Variants in C22orf42 observed in about 807,000 individuals in gnomAD.
C22orf42 encodes uncharacterized protein C22orf42.
C22orf42 carries 24 observed loss-of-function variants against 31.4 expected under a neutral mutation model. That is an observed-to-expected ratio of 0.77 (90% CI 0.55 to 1.08). C22orf42 has a LOEUF of 1.08. Among genes scored for constraint, C22orf42 ranks in the 50% least tolerant of loss-of-function variants. The pLI is 0.00. For missense variants in C22orf42, 276 were observed against 327.3 expected, an observed-to-expected ratio of 0.84 and a Z score of 1.21; for synonymous variants, 96 against 112.7, an observed-to-expected ratio of 0.85 and a Z score of 0.94.
chr22:32,151,874 TTGGGAAAGACAGAGGAG>T (rs11272724), intron 4 of C22orf42, among the ~76,000 whole-genome samples, 176 bp downstream of exon 4: 51,764 of 151,468 alleles, frequency 0.34, 9,229 homozygotes, highest in African/African-American at 0.44. Flanking sequence ...GGTGTGGGAG[TTGGGAAAGACAGAGGAG>T]TGACTACTAG....
At chr22:32,151,159 A>C in intron 5 of C22orf42, 140 bp from the exon 6 acceptor site, 3 of 908,678 alleles carry the variant, frequency 3.3e-6, no homozygotes, top group Non-Finnish European at 5.2e-6. Context: ...CAAATAAAGC[A>C]TAGAGGATGC....
rs1437744429 is a variant in C22orf42 at position 32,152,547 on chromosome 22, AG to A, written c.372+14del. 6.3e-7 allele frequency: 1 copy of A among 1,598,382 alleles called. No homozygotes were observed. Among genetic ancestry groups the A allele is most frequent in the Non-Finnish European group, 8.6e-7 (1 of 1,166,758 alleles). Reference sequence around the variant, plus strand: ...CAAAAAGCATTTCTCTTCCAGAGAAAGAAATACATCTTACAATATCTGATGT... The same window carrying A: ...CAAAAAGCATTTCTCTTCCAGAGAAAAAATACATCTTACAATATCTGATGT... On this transcript the variant is annotated intron_variant, in intron 3 of 8. Transcript: ENST00000382097.
Position 32,151,486 on chromosome 22 carries a change from C to T in C22orf42, c.465+1G>A. On this transcript the variant is annotated splice_donor_variant, in intron 5 of 8. Transcript: ENST00000382097. LOFTEE classifies it high-confidence loss of function. ...CTTCCAGAGAAAGAAATACATCTTA[C>T]AATATCTGACGTTATATTCTCCTCC... is the stretch of plus-strand genomic sequence containing the variant. 6.2e-7 allele frequency: 1 copy of T among 1,612,850 alleles called. No individual in the cohort carries two copies.
At chr22:32,150,198 CA>C (rs1467624092) in intron 7 of C22orf42, 120 bp downstream of exon 7, 21 of 1,053,124 alleles carry the variant, frequency 2.0e-5, no homozygotes, top group Non-Finnish European at 2.5e-5. Context: ...TTCCAGCCAA[CA>C]AAAAAATTGT....
At chr22:32,154,217 A>C in intron 2 of C22orf42, 27 bp downstream of exon 2, 1 of 1,608,112 alleles carries the variant, frequency 6.2e-7, no homozygotes, top group Non-Finnish European at 8.5e-7. Flanking sequence ...TGCTTAAATG[A>C]ACTTAATGAT....
upstream of C22orf42, chr22:32,160,331 A>T (rs1166055160): frequency 6.6e-6 from 1 of 151,916 alleles, no homozygotes; most frequent in African/African-American, 2.4e-5. Flanking sequence ...CAGTTTTTTG[A>T]TGTGAATTTT....
At position 32,154,337 on chromosome 22, in the gene C22orf42, T is replaced by G; in HGVS notation, c.233-19A>C. On this transcript the variant is annotated intron_variant, in intron 1 of 8. Transcript: ENST00000382097. ...TCCAAACCTGCAAGGTAGAGCAGAC[T>G]TCTTATAGATTCTAGGAAATGTATT... 1 of 1,608,154 alleles carries G rather than the reference T, an allele frequency of 6.2e-7. No individual in the cohort carries two copies. The highest frequency in any genetic ancestry group is 8.5e-7 in the Non-Finnish European group (1 of 1,178,330).
intron 1 of C22orf42, among the ~76,000 whole-genome samples, chr22:32,157,605 T>A (rs1301275043): frequency 6.6e-6 from 1 of 151,994 alleles, no homozygotes; most frequent in Non-Finnish European, 1.5e-5. Context: ...TAAGATGGGA[T>A]CTCTATGTCT....
intron 1 of C22orf42, among the ~76,000 whole-genome samples, chr22:32,156,338 C>T (rs1217926119): frequency 3.3e-5 from 5 of 151,866 alleles, no homozygotes; most frequent in Non-Finnish European, 7.4e-5. Flanking sequence ...TTACACCTAA[C>T]TTAAAACATT....
intron 1 of C22orf42, among the ~76,000 whole-genome samples, chr22:32,158,637 A>G (rs1032376100): frequency 6.6e-6 from 1 of 152,244 alleles, no homozygotes; most frequent in Non-Finnish European, 1.5e-5. Flanking sequence ...AAGGAATGGG[A>G]GAAAAGAAAC....
In C22orf42 at chr22:32,159,007, G is replaced by T. The variant is rs79988797; in HGVS notation, c.209C>A (p.Pro70Gln). The change falls in exon 1 of 9, where the codon CCG (proline) becomes CAG (glutamine). Residue 70 changes from proline (P) to glutamine (Q), a missense_variant. Transcript: ENST00000382097. ...ACCTTTGGACATCTTCAGCATCTTC[G>T]GCGTCTTCGGGAGGCTGAGGTACTG... The part of the protein sequence containing the change: ...LMQYLSLPKT[P>Q]KMLKMSKGLD... 65 of 1,613,734 alleles carry T rather than the reference G, an allele frequency of 4.0e-5. No homozygotes were observed. The highest frequency in any genetic ancestry group is 5.5e-5 in the Non-Finnish European group (65 of 1,179,776).
chr22:32,150,293 C>T (rs763719996), intron 7 of C22orf42, 26 bp downstream of exon 7: 35 of 1,606,396 alleles, frequency 2.2e-5, no homozygotes, highest in Non-Finnish European at 2.6e-5. Flanking sequence ...AAACATTTCT[C>T]TTCCAGACAA....
chr22:32,152,697 G>A (rs1387488593), intron 2 of C22orf42, 71 bp from the exon 3 acceptor site: 20 of 1,444,530 alleles, frequency 1.4e-5, no homozygotes, highest in Non-Finnish European at 1.9e-5. Context: ...CCTGGGGGAT[G>A]TGGACCGGGG....
At chr22:32,154,451 G>C in intron 1 of C22orf42, 133 bp from the exon 2 acceptor site, 2 of 1,120,180 alleles carry the variant, frequency 1.8e-6, no homozygotes, top group Non-Finnish European at 2.5e-6. Context: ...TTTGATCCCG[G>C]TTTGCACCGT....
At chr22:32,159,316 C>A (rs1476346924), upstream of C22orf42, 2 of 1,504,820 alleles carry the variant, frequency 1.3e-6, no homozygotes. Flanking sequence ...AGGCTGCTGG[C>A]CCTGGCCGTT....
At position 32,149,532 on chromosome 22, in the gene C22orf42, T is replaced by C. The variant is rs1237931907; in HGVS notation, c.*8A>G. ...GGCAGGCGTCTGTAATCCCAGCTAC[T>C]TGGAACACTAAAGCCGGAGAAGTCC... On this transcript the variant is annotated 3_prime_UTR_variant, in exon 9 of 9. Coordinates refer to ENST00000382097, the MANE Select transcript of C22orf42 (RefSeq NM_001010859.3). The C allele has an allele frequency of 6.5e-6, 10 of 1,531,724 alleles. No individual in the cohort carries two copies. The highest frequency in any genetic ancestry group is 2.0e-5 in the Admixed American group (1 of 50,720). The allele number at this position is 1,531,724 out of a possible 1,614,324, so 94.9% of individuals were successfully genotyped here. A position where few individuals can be genotyped will look rare whatever the true frequency, so the allele number is the denominator to read the frequency against.
In C22orf42 at chr22:32,151,439, AG is replaced by A. The variant is rs768307526; in HGVS notation, c.465+47del. On this transcript the variant is annotated intron_variant, in intron 5 of 8. Coordinates refer to ENST00000382097, the MANE Select transcript of C22orf42 (RefSeq NM_001010859.3). The stretch of plus-strand genomic sequence containing the variant: ...ATTCATTTGATATTCTAGAAGCCTC[AG>A]AAAAAACAAAAAGCATTTCTCTTCC... The A allele has an allele frequency of 3.2e-6, 5 of 1,573,340 alleles. No individual in the cohort carries two copies. In the African/African-American group the frequency reaches 6.7e-5, roughly 21 times the overall value.
At chr22:32,154,627 A>G (rs1180831935) in intron 1 of C22orf42, among the ~76,000 whole-genome samples, 1 of 152,240 alleles carries the variant, frequency 6.6e-6, no homozygotes, top group East Asian at 1.9e-4. Flanking sequence ...TTCAAATCCT[A>G]CTTAGAATCT....
rs1172013410 is a variant in C22orf42, at chr22:32,150,406, G to A, written c.567C>T (p.Ser189=). The change falls in exon 7 of 9, where the codon AGC becomes AGT. Residue 189 remains serine (S), a synonymous_variant. Transcript: ENST00000382097. ...TGAAGTCTTCAAGAGAGACAGATAG[G>A]CTTTCACTGAGATCCGATGTCATGA... ...EDFMTSDLSE[S]LSVSLEDFMT... 1 of 1,613,930 alleles carries A rather than the reference G, an allele frequency of 6.2e-7. No homozygotes were observed. Among genetic ancestry groups the A allele is most frequent in the African/African-American group, 1.3e-5 (1 of 74,906 alleles).
Sources: gnomAD v4.1 joint callset for allele counts (sites outside exome capture counted in the v4.1 genomes callset) on GRCh38, gnomAD v4.1.1 for gene constraint, MANE v1.5 for transcripts, NCBI Gene and HGNC (gene_info 2026-07-23, HGNC 2026-07-21) for gene names.